Variants in DMD observed in about 807,000 individuals in gnomAD.
DMD encodes the protein mutant dystrophin.
A neutral mutation model predicts 330.1 loss-of-function variants in DMD; 63 were observed. The observed-to-expected ratio is 0.19, with a 90% CI of 0.16 to 0.24. The LOEUF is 0.24. DMD is among the 10% of genes least tolerant of loss of function. The probability of loss-of-function intolerance (pLI) is 1.00; values close to 1 mark genes in which losing one functional copy is unlikely to be tolerated. For synonymous variants in DMD, 1,223 were observed against 959.8 expected (o/e 1.27, Z -5.07); for missense variants, 3,344 against 2,684.1 (o/e 1.25, Z -5.43).
intron 2 of DMD, among the ~76,000 whole-genome samples, chrX:32,876,358 G>T (rs868355211): frequency 8.9e-6 from 1 of 111,796 alleles, no homozygotes; most frequent in African/African-American, 3.3e-5. Context: ...ATCCAATTTA[G>T]TCTATGTAGT....
chrX:32,663,774 G>A (rs1009831206), intron 9 of DMD, among the ~76,000 whole-genome samples: 5 of 111,646 alleles, frequency 4.5e-5, no homozygotes, highest in Non-Finnish European at 9.4e-5. Flanking sequence ...AAGCAAGGAA[G>A]GGGAATTGAA....
At chrX:32,567,050 G>C (rs1044090351) in intron 15 of DMD, among the ~76,000 whole-genome samples, 1 of 111,682 alleles carries the variant, frequency 9.0e-6, no homozygotes, top group Non-Finnish European at 1.9e-5. Flanking sequence ...CCCAAACCTA[G>C]AGCAGTCAAT....
chrX:32,663,808 G>A (rs1164191357), intron 9 of DMD, among the ~76,000 whole-genome samples: 1 of 111,626 alleles, frequency 9.0e-6, no homozygotes, highest in Non-Finnish European at 1.9e-5. Context: ...ATATCATTGA[G>A]AAAAAGATTT....
intron 11 of DMD, among the ~76,000 whole-genome samples, chrX:32,629,180 T>C (rs1203505097): frequency 8.9e-6 from 1 of 111,946 alleles, no homozygotes; most frequent in African/African-American, 3.2e-5. Flanking sequence ...ATTTGATTTA[T>C]ACGTCTGGGT....
At chrX:32,531,295 T>G (rs1465446510) in intron 17 of DMD, among the ~76,000 whole-genome samples, 1 of 111,604 alleles carries the variant, frequency 9.0e-6, no homozygotes, top group Non-Finnish European at 1.9e-5. Flanking sequence ...GAGTCATGCT[T>G]AGTTCAAATA....
intron 60 of DMD, among the ~76,000 whole-genome samples, chrX:31,434,000 G>A (rs967946283): frequency 1.5e-4 from 17 of 111,681 alleles, no homozygotes; most frequent in African/African-American, 4.6e-4. Context: ...CCAAATGTCA[G>A]TAGATGTGGT....
rs1177803905 is a variant in DMD at position 32,386,483 on chromosome X, AC to A, written c.4519-19del. On this transcript the variant is annotated intron_variant, in intron 32 of 78. Coordinates refer to ENST00000357033, the MANE Select transcript of DMD (RefSeq NM_004006.3). ...TACAAGTTCTAAGTTTAAACATAAA[AC>A]AAAACATGATAATCAGTAGAGTTAA... The A allele has an allele frequency of 1.7e-6, 2 of 1,159,838 alleles. No individual in the cohort carries two copies. The highest frequency in any genetic ancestry group is 3.5e-5 in the African/African-American group (2 of 56,709).
intron 2 of DMD, among the ~76,000 whole-genome samples, chrX:32,874,475 T>G (rs1454666993): frequency 1.8e-5 from 2 of 111,637 alleles, no homozygotes; most frequent in East Asian, 5.7e-4. Context: ...AGGATCTTCT[T>G]TCTTCTGCCC....
At chrX:33,310,093 TAAC>T (rs1458556845) in intron 1 of DMD, among the ~76,000 whole-genome samples, 2 of 111,003 alleles carry the variant, frequency 1.8e-5, no homozygotes, top group African/African-American at 6.5e-5. Context: ...TGAATTAAAA[TAAC>T]AACAACAAAA....
intron 7 of DMD, among the ~76,000 whole-genome samples, chrX:32,775,512 G>C (rs67339007): frequency 0.081 from 9,168 of 113,077 alleles, 899 homozygotes; most frequent in African/African-American, 0.28. Context: ...CTTCTGCACA[G>C]CCGTAGGCAG....
At chrX:32,234,870 T>G (rs892162187) in intron 43 of DMD, among the ~76,000 whole-genome samples, 3 of 111,560 alleles carry the variant, frequency 2.7e-5, no homozygotes, top group African/African-American at 9.8e-5. Flanking sequence ...TAGTTATTAC[T>G]TAGAAGGAAA....
chrX:31,980,625 G>C (rs1427760561), intron 44 of DMD, among the ~76,000 whole-genome samples: 1 of 111,441 alleles, frequency 9.0e-6, no homozygotes, highest in Non-Finnish European at 1.9e-5. Flanking sequence ...AAAGTTAACA[G>C]ATTGAGCATT....
chrX:32,742,470 G>T (rs1369725507), intron 7 of DMD, among the ~76,000 whole-genome samples: 1 of 111,217 alleles, frequency 9.0e-6, no homozygotes, highest in East Asian at 2.9e-4. Context: ...TGCCTCATAG[G>T]TAAGAGGAAA....
In DMD at chrX:32,730,796, G is replaced by A. The variant is rs186055745; in HGVS notation, c.650-31503C>T. 6.0e-3 allele frequency among the ~76,000 whole-genome samples: 675 copies of A among 111,799 alleles called. 8 individuals are homozygous for A. Among genetic ancestry groups the A allele is most frequent in the African/African-American group, 0.02 (625 of 30,755 alleles). On this transcript the variant is annotated intron_variant, in intron 7 of 78. Transcript: ENST00000357033. ...AATAGATTCAAATATGAAAGAGATG[G>A]GAGATACAGAAAATTTTCAGCCATG...
chrX:31,636,257 G>C (rs1474913309), intron 54 of DMD, among the ~76,000 whole-genome samples: 2 of 111,140 alleles, frequency 1.8e-5, no homozygotes, highest in Non-Finnish European at 3.8e-5. Flanking sequence ...CTTAATACCT[G>C]GGTAACAAAA....
chrX:32,229,681 CATATATATATATATATATATATAT>C (rs55916475), intron 43 of DMD, among the ~76,000 whole-genome samples: 767 of 24,333 alleles, frequency 0.032, 15 homozygotes, highest in Middle Eastern at 0.12. Context: ...AGAGTTTCAT[CATATATATATATATATATATATAT>C]ATATATATAT....
intron 4 of DMD, among the ~76,000 whole-genome samples, chrX:32,843,164 T>C (rs1277254214): frequency 8.9e-6 from 1 of 111,906 alleles, no homozygotes; most frequent in African/African-American, 3.3e-5. Flanking sequence ...AAGTTTGTTT[T>C]TTTAAATGAC....
At chrX:33,287,002 C>T (rs2053443213) in intron 1 of DMD, among the ~76,000 whole-genome samples, 1 of 111,925 alleles carries the variant, frequency 8.9e-6, no homozygotes, top group Non-Finnish European at 1.9e-5. Flanking sequence ...TGGATCCTTG[C>T]ATCGTCACAT....
At chrX:32,811,179 A>T (rs1252622399) in intron 6 of DMD, among the ~76,000 whole-genome samples, 7 of 71,495 alleles carry the variant, frequency 9.8e-5, no homozygotes, top group African/African-American at 4.8e-4. Flanking sequence ...ACAACTTATT[A>T]AAAAAAAAAA....
Sources: allele counts gnomAD v4.1 joint callset (sites outside exome capture counted in the v4.1 genomes callset), GRCh38; gene constraint gnomAD v4.1.1; transcripts MANE v1.5; gene names NCBI Gene and HGNC (gene_info 2026-07-23, HGNC 2026-07-21).